Variants in IGF1R observed in about 807,000 individuals in gnomAD.
The protein encoded by IGF1R is insulin like growth factor 1 receptor.
In IGF1R, 44 loss-of-function variants were observed where a neutral mutation model predicts 144.6. The ratio of observed to expected loss-of-function variants is 0.30; its 90% CI spans 0.24 to 0.39. The LOEUF (loss-of-function observed/expected upper bound fraction) is 0.39, where lower values mean the gene tolerates loss of function less well. Among genes scored for constraint, IGF1R ranks in the 10% least tolerant of loss-of-function variants. The pLI, the probability that IGF1R is intolerant of heterozygous loss-of-function variation, is 1.00. For synonymous variants in IGF1R, 795 were observed against 722.8 expected, an observed-to-expected ratio of 1.10 and a Z score of -1.60; for missense variants, 1,355 against 1,833.7, an observed-to-expected ratio of 0.74 and a Z score of 4.77.
chr15:98,879,064 C>T (rs180803534), intron 2 of IGF1R, among the ~76,000 whole-genome samples: 41 of 152,212 alleles, frequency 2.7e-4, no homozygotes, highest in Non-Finnish European at 4.9e-4. Flanking sequence ...TGAAGAAACC[C>T]GGCTCATGAT....
chr15:98,904,025 G>A (rs146927430), intron 5 of IGF1R, among the ~76,000 whole-genome samples: 140 of 151,484 alleles, frequency 9.2e-4, no homozygotes, highest in Middle Eastern at 3.4e-3. Context: ...GTAAATTTAC[G>A]GAAGCTCATG....
intron 11 of IGF1R, among the ~76,000 whole-genome samples, chr15:98,923,387 C>T (rs114828304): frequency 9.5e-4 from 144 of 152,356 alleles, no homozygotes; most frequent in African/African-American, 3.2e-3. Context: ...GCAGTTGCCG[C>T]GTGTAGACGC....
chr15:98,922,338 T>G lies in IGF1R; in HGVS notation c.2392T>G (p.Leu798Val). Residue 798 changes from leucine to valine, a missense_variant, in exon 11 of 21, where the codon TTG (leucine) becomes GTG (valine). Leu to Val is a conservative substitution (Grantham distance 32). Transcript: ENST00000650285. ...CATTTCTAACCTTCGGCCTTTCACA[T>G]TGTACCGCATCGATATCCACAGCTG... ...TVISNLRPFT[L>V]YRIDIHSCNH... 1 of 1,614,144 alleles carries G rather than the reference T, an allele frequency of 6.2e-7. No homozygotes were observed. The highest frequency in any genetic ancestry group is 1.7e-5 in the Admixed American group (1 of 60,018).
Position 98,800,462 on chromosome 15 carries a change from T to C in IGF1R, c.641-90863T>C, listed in dbSNP as rs140504245. 3.4e-3 allele frequency among the ~76,000 whole-genome samples: 520 copies of C among 152,138 alleles called. 4 individuals are homozygous for C. The highest frequency in any genetic ancestry group is 0.011 in the African/African-American group (447 of 41,496). On this transcript the variant is annotated intron_variant, in intron 2 of 20. Transcript: ENST00000650285. The stretch of plus-strand genomic sequence containing the variant: ...CCAATTTGGCAATCTTTAATTAACT[T>C]GGCAACCCCCGTTTTACCAACAAAG...
intron 2 of IGF1R, among the ~76,000 whole-genome samples, chr15:98,841,841 G>T (rs570780287): frequency 2.0e-5 from 3 of 152,178 alleles, no homozygotes; most frequent in African/African-American, 7.2e-5. Flanking sequence ...ACTCTCCCCT[G>T]TGCTGATACA....
rs2013923114 is a variant in IGF1R, at chr15:98,891,618, A to G, written c.934A>G (p.Ile312Val). ...CATGCAGGAGTGCCCCTCGGGCTTC[A>G]TCCGCAACGGCAGCCAGAGGTCAGT... is the stretch of plus-strand genomic sequence containing the variant. ...ECMQECPSGFIRNGSQSMYCI... is the reference protein window; with the variant it reads ...ECMQECPSGFVRNGSQSMYCI... Residue 312 changes from isoleucine to valine, a missense_variant, in exon 3 of 21, where the codon ATC becomes GTC. By Grantham distance (29) the Ile-to-Val change is conservative. Around this residue, in one of 7 missense-constraint regions of IGF1R, gnomAD observed 880 missense variants for 1,202.7 expected, o/e 0.73. Coordinates refer to ENST00000650285, the MANE Select transcript of IGF1R (RefSeq NM_000875.5). The surrounding 1 kb of genome is among the most constrained non-coding windows in gnomAD (Gnocchi z 4.7). The G allele has an allele frequency of 6.2e-7, 1 of 1,601,434 alleles. No homozygotes were observed. Among genetic ancestry groups the G allele is most frequent in the Non-Finnish European group, 8.5e-7 (1 of 1,179,934 alleles).
intron 5 of IGF1R, among the ~76,000 whole-genome samples, chr15:98,906,830 G>A (rs1407191047): frequency 6.6e-6 from 1 of 152,216 alleles, no homozygotes; most frequent in Non-Finnish European, 1.5e-5. Flanking sequence ...ATGGGCGTGT[G>A]AGGAGCCTGA....
At chr15:98,653,914 A>G (rs191658381) in intron 1 of IGF1R, among the ~76,000 whole-genome samples, 1 of 152,320 alleles carries the variant, frequency 6.6e-6, no homozygotes, top group African/African-American at 2.4e-5. Context: ...TTGTTTTGTA[A>G]GAATGTGCTG....
chr15:98,880,228 C>G (rs1233545150), intron 2 of IGF1R, among the ~76,000 whole-genome samples: 2 of 152,116 alleles, frequency 1.3e-5, no homozygotes, highest in African/African-American at 4.8e-5. Context: ...GATTCCTGAG[C>G]CTCCTTCTCA....
At chr15:98,721,197 G>A (rs901820085) in intron 2 of IGF1R, among the ~76,000 whole-genome samples, 8 of 152,104 alleles carry the variant, frequency 5.3e-5, no homozygotes, top group African/African-American at 1.9e-4. Flanking sequence ...TCCTTACTGA[G>A]GACTCTTGCT....
At chr15:98,858,288 C>T (rs1314489950) in intron 2 of IGF1R, among the ~76,000 whole-genome samples, 5 of 151,678 alleles carry the variant, frequency 3.3e-5, no homozygotes, top group African/African-American at 9.8e-5. Flanking sequence ...AGTTTCCCCC[C>T]GCTTCGTTGT....
In IGF1R at chr15:98,962,916, G is replaced by C. The variant is rs1415182745; in HGVS notation, c.*5474G>C. The stretch of plus-strand genomic sequence containing the variant: ...TTCTGGGGCATGACTTTAGCGTTTT[G>C]TTTCTGCGAGAACATAACGATCACT... On this transcript the variant is annotated 3_prime_UTR_variant, in exon 21 of 21. Transcript: ENST00000650285. The C allele has an allele frequency of 8.6e-6, 2 of 233,562 alleles. No individual in the cohort carries two copies. Among genetic ancestry groups the C allele is most frequent in the East Asian group, 1.2e-4 (2 of 16,604 alleles). 14.5% of individuals were successfully genotyped at this position (233,562 alleles called of 1,614,324 possible). A position where few individuals can be genotyped will look rare whatever the true frequency, so the allele number is the denominator to read the frequency against.
chr15:98,916,156 C>T (rs754956567), intron 9 of IGF1R, 25 bp downstream of exon 9: 47 of 1,612,204 alleles, frequency 2.9e-5, no homozygotes, highest in Non-Finnish European at 3.6e-5. Context: ...GCGGCCTGGA[C>T]GGAGGGTGTG....
chr15:98,930,086 CAA>C (rs2015880444), intron 14 of IGF1R, 147 bp from the exon 15 acceptor site: 2 of 699,306 alleles, frequency 2.9e-6, no homozygotes, highest in South Asian at 1.6e-5. Flanking sequence ...GGAGTGTAGA[CAA>C]GAGCTGCTGT....
intron 2 of IGF1R, among the ~76,000 whole-genome samples, chr15:98,852,070 G>A (rs1024885084): frequency 5.9e-5 from 9 of 152,200 alleles, no homozygotes; most frequent in African/African-American, 1.9e-4. Flanking sequence ...CAGGAAAGAG[G>A]AGGAACTAAA....
At chr15:98,910,679 C>G (rs573251477) in intron 6 of IGF1R, among the ~76,000 whole-genome samples, 1 of 152,340 alleles carries the variant, frequency 6.6e-6, no homozygotes, top group African/African-American at 2.4e-5. Context: ...AGGCTACTTC[C>G]CATAGAGCAC....
chr15:98,948,476 G>GT lies in IGF1R; in HGVS notation c.3588-95dup. 3 of 1,328,052 alleles carry GT rather than the reference G, an allele frequency of 2.3e-6. No homozygotes were observed. In the South Asian group the frequency reaches 3.5e-5, roughly 16 times the overall value. The allele number at this position is 1,328,052 out of a possible 1,614,324, so 82.3% of individuals were successfully genotyped here. ...AAGCACTGTCACCATAGTAAGGACA[G>GT]TTTATCTGCTCGGGATGTAAGAAGT... On this transcript the variant is annotated intron_variant, in intron 19 of 20. Coordinates refer to ENST00000650285, the MANE Select transcript of IGF1R (RefSeq NM_000875.5).
At chr15:98,752,507 G>A (rs1416572517) in intron 2 of IGF1R, among the ~76,000 whole-genome samples, 2 of 151,946 alleles carry the variant, frequency 1.3e-5, no homozygotes, top group Non-Finnish European at 2.9e-5. Flanking sequence ...GTGAAACCCC[G>A]TCTCTACTAA....
intron 1 of IGF1R, among the ~76,000 whole-genome samples, chr15:98,696,030 T>C (rs1321583399): frequency 1.0e-4 from 15 of 149,880 alleles, no homozygotes; most frequent in South Asian, 6.3e-4. Flanking sequence ...TTTCTTCTTT[T>C]TTTTTTTTTT....
Sources: allele counts gnomAD v4.1 joint callset (sites outside exome capture counted in the v4.1 genomes callset), GRCh38; gene constraint gnomAD v4.1.1; regional missense constraint gnomAD v4.1.1; non-coding constraint Gnocchi (gnomAD v3.1); transcripts MANE v1.5; gene names NCBI Gene and HGNC (gene_info 2026-07-23, HGNC 2026-07-21).